NRXN3: variants seen among roughly 807,000 people sequenced by gnomAD.
The protein encoded by NRXN3 is neurexin III.
A neutral mutation model predicts 137.6 loss-of-function variants in NRXN3; 32 were observed. That is an observed-to-expected ratio of 0.23 (90% CI 0.18 to 0.31). The LOEUF is 0.31. Among genes scored for constraint, NRXN3 ranks in the 10% least tolerant of loss-of-function variants. NRXN3 has a pLI of 1.00. For missense variants in NRXN3, 1,574 were observed against 2,062.5 expected (o/e 0.76, Z 4.59); for synonymous variants, 798 against 784.5 (o/e 1.02, Z -0.29).
intron 16 of NRXN3, among the ~76,000 whole-genome samples, chr14:79,481,256 C>T (rs889001478): frequency 6.6e-6 from 1 of 152,172 alleles, no homozygotes; most frequent in Non-Finnish European, 1.5e-5. Flanking sequence ...GGAGGATCTC[C>T]TTCAAACTTT....
At chr14:78,598,384 G>A (rs2097175564) in intron 4 of NRXN3, among the ~76,000 whole-genome samples, 2 of 152,010 alleles carry the variant, frequency 1.3e-5, no homozygotes, top group African/African-American at 4.8e-5. Flanking sequence ...GAGAGAGAGA[G>A]GGAGGGAGGG....
At chr14:78,354,255 A>G (rs988665911) in intron 4 of NRXN3, among the ~76,000 whole-genome samples, 14 of 152,218 alleles carry the variant, frequency 9.2e-5, no homozygotes, top group African/African-American at 3.4e-4. Flanking sequence ...TATCACATCC[A>G]TTGTATTCCA....
chr14:79,540,104 T>G (rs575562610), intron 16 of NRXN3, among the ~76,000 whole-genome samples: 2 of 152,210 alleles, frequency 1.3e-5, no homozygotes, highest in Middle Eastern at 3.4e-3. Context: ...TCTGGCAATA[T>G]TTTATGCTCA....
At chr14:78,573,485 G>A (rs765569811) in intron 4 of NRXN3, among the ~76,000 whole-genome samples, 7 of 152,204 alleles carry the variant, frequency 4.6e-5, no homozygotes, top group Non-Finnish European at 1.0e-4. Flanking sequence ...GAGGAACTTG[G>A]TGGGAACTGG....
chr14:78,727,719 G>A (rs985694772), intron 8 of NRXN3, among the ~76,000 whole-genome samples: 2 of 152,022 alleles, frequency 1.3e-5, no homozygotes, highest in African/African-American at 2.4e-5. Flanking sequence ...TGGGCAACAA[G>A]AGCGAAAACT....
In NRXN3 at chr14:78,451,588, G is replaced by A. The variant is rs147728523; in HGVS notation, c.757+153728G>A. ...TCACTTCTTTCTATACTCCCTTCCC[G>A]TATAGATAGCCATAGCATACATACA... is the stretch of plus-strand genomic sequence containing the variant. On this transcript the variant is annotated intron_variant, in intron 4 of 20. Coordinates refer to ENST00000335750, the MANE Select transcript of NRXN3 (RefSeq NM_001330195.2). Among the ~76,000 whole-genome samples, 179 of 152,236 alleles carry A rather than the reference G, an allele frequency of 1.2e-3. 3 individuals carry two copies. In the East Asian group the frequency reaches 0.023, roughly 20 times the overall value.
intron 3 of NRXN3, chr14:78,282,158 A>G (rs1052535791): frequency 2.0e-6 from 1 of 500,660 alleles, no homozygotes; most frequent in East Asian, 5.6e-5. Flanking sequence ...CAGGTGCCTT[A>G]TCCCATGCTT....
chr14:79,222,848 CT>C (rs895612349), intron 15 of NRXN3, among the ~76,000 whole-genome samples: 1 of 152,042 alleles, frequency 6.6e-6, no homozygotes, highest in African/African-American at 2.4e-5. Flanking sequence ...GTGTTCAGAT[CT>C]TTGGCCATTT....
At chr14:79,788,715 A>G (rs892659381) in intron 19 of NRXN3, among the ~76,000 whole-genome samples, 2 of 152,186 alleles carry the variant, frequency 1.3e-5, no homozygotes, top group Admixed American at 6.5e-5. Flanking sequence ...TCAAATAGCA[A>G]TCAAGTAGAA....
At position 78,471,319 on chromosome 14, in the gene NRXN3, CACACACACACACA is replaced by C. The variant is rs1567684654; in HGVS notation, c.757+173460_757+173472del. Among the ~76,000 whole-genome samples, 188 of 88,046 alleles carry C rather than the reference CACACACACACACA, an allele frequency of 2.1e-3. 1 individual carries two copies. The highest frequency in any genetic ancestry group is 7.9e-3 in the African/African-American group (173 of 21,938). The allele number at this position is 88,046 out of a possible 152,430, so 57.8% of individuals were successfully genotyped here. On this transcript the variant is annotated intron_variant, in intron 4 of 20. Coordinates refer to ENST00000335750, the MANE Select transcript of NRXN3 (RefSeq NM_001330195.2). ...ACACACACACACACACACACACACACACACACACACACACCCCCAAGAAATTCACCTCTGGCTC... is the reference window on the plus strand; with the variant it reads ...ACACACACACACACACACACACACACCCCCCAAGAAATTCACCTCTGGCTC...
chr14:78,966,284 C>T lies in NRXN3; in HGVS notation c.2655C>T (p.Ala885=), dbSNP rs1054627130. The change falls in exon 12 of 21, where the codon GCC becomes GCT. Residue 885 remains alanine (A), a synonymous_variant. Coordinates refer to ENST00000335750, the MANE Select transcript of NRXN3 (RefSeq NM_001330195.2). ...FKTKSSYLSL[A]TLQAYTSMHL... ...CCAAGAGCAGCTACCTGAGCCTTGC[C>T]ACTCTTCAGGCTTACACCTCCATGC... 3.7e-6 allele frequency: 6 copies of T among 1,614,098 alleles called. No homozygotes were observed. The African/African-American group carries it at 6.7e-5, about 18-fold the overall frequency.
intron 19 of NRXN3, among the ~76,000 whole-genome samples, chr14:79,801,270 CT>C (rs1429168167): frequency 1.3e-5 from 2 of 152,158 alleles, no homozygotes; most frequent in Non-Finnish European, 2.9e-5. Context: ...TGTTTAAGCT[CT>C]TTATGAGTAC....
intron 1 of NRXN3, among the ~76,000 whole-genome samples, chr14:78,209,126 A>T (rs572865761): frequency 6.6e-6 from 1 of 152,304 alleles, no homozygotes; most frequent in East Asian, 1.9e-4. Context: ...GGGAGGTGAC[A>T]AGATGTTCTA....
intron 15 of NRXN3, among the ~76,000 whole-genome samples, chr14:79,194,477 A>C (rs543476222): frequency 6.6e-6 from 1 of 152,256 alleles, no homozygotes; most frequent in African/African-American, 2.4e-5. Context: ...TTTCTAGCAC[A>C]TAAGAAGATA....
chr14:78,205,826 G>A (rs2062131244), intron 1 of NRXN3, among the ~76,000 whole-genome samples: 1 of 152,178 alleles, frequency 6.6e-6, no homozygotes, highest in Non-Finnish European at 1.5e-5. Context: ...CTGAAATTAT[G>A]CCAAGATCAC....
intron 1 of NRXN3, among the ~76,000 whole-genome samples, chr14:78,200,865 C>T (rs1433086357): frequency 6.6e-6 from 1 of 152,100 alleles, no homozygotes; most frequent in African/African-American, 2.4e-5. Context: ...GTTTGGCAGG[C>T]ACTTCGTTAA....
chr14:79,579,323 C>T (rs221416), intron 16 of NRXN3, among the ~76,000 whole-genome samples: 72,677 of 146,648 alleles, frequency 0.5, 20,420 homozygotes, highest in African/African-American at 0.77. Flanking sequence ...CAAATGTGTA[C>T]GTATGTGTGA....
intron 17 of NRXN3, among the ~76,000 whole-genome samples, chr14:79,665,723 G>T (rs532816644): frequency 3.9e-5 from 6 of 152,206 alleles, no homozygotes; most frequent in South Asian, 4.1e-4. Context: ...CAATGAGCAG[G>T]CTCTTTAATG....
At chr14:79,542,447 TAG>T (rs2097282423) in intron 16 of NRXN3, among the ~76,000 whole-genome samples, 1 of 152,180 alleles carries the variant, frequency 6.6e-6, no homozygotes, top group South Asian at 2.1e-4. Flanking sequence ...CATCCTTCTC[TAG>T]ACTTAAATTA....
Sources: gnomAD v4.1 joint callset for allele counts (sites outside exome capture counted in the v4.1 genomes callset) on GRCh38, gnomAD v4.1.1 for gene constraint, MANE v1.5 for transcripts, NCBI Gene and HGNC (gene_info 2026-07-23, HGNC 2026-07-21) for gene names.